Variants in PARD3B observed in about 807,000 individuals in gnomAD.
The protein encoded by PARD3B is partitioning defective 3 homolog B.
PARD3B carries 103 observed loss-of-function variants against 130.2 expected under a neutral mutation model. The ratio of observed to expected loss-of-function variants is 0.79; its 90% CI spans 0.67 to 0.93. The LOEUF (loss-of-function observed/expected upper bound fraction) is 0.93. PARD3B is among the 40% of genes least tolerant of loss of function. The pLI is 0.00. For missense variants in PARD3B, 1,609 were observed against 1,499.2 expected, an observed-to-expected ratio of 1.07 and a Z score of -1.21; for synonymous variants, 583 against 553.2, an observed-to-expected ratio of 1.05 and a Z score of -0.76.
intron 1 of PARD3B, among the ~76,000 whole-genome samples, chr2:204,647,358 T>G (rs767875847): frequency 6.6e-6 from 1 of 151,950 alleles, no homozygotes; most frequent in African/African-American, 2.4e-5. Flanking sequence ...GATACAGTTT[T>G]GTTATACATG....
intron 2 of PARD3B, among the ~76,000 whole-genome samples, chr2:204,776,204 T>C (rs890763035): frequency 3.9e-5 from 6 of 152,212 alleles, no homozygotes; most frequent in Non-Finnish European, 7.3e-5. Flanking sequence ...GATAGGATTC[T>C]ATAGATAGCA....
intron 1 of PARD3B, among the ~76,000 whole-genome samples, chr2:204,554,892 A>G (rs543294734): frequency 7.1e-4 from 108 of 152,266 alleles, no homozygotes; most frequent in South Asian, 8.3e-4. Context: ...TGGCATCTGG[A>G]AAGTTAGATT....
At chr2:205,240,355 A>G (rs1046735215) in intron 15 of PARD3B, among the ~76,000 whole-genome samples, 4 of 152,196 alleles carry the variant, frequency 2.6e-5, no homozygotes, top group African/African-American at 7.2e-5. Flanking sequence ...AGAAGTATTT[A>G]TGGCCTCATT....
At chr2:205,472,983 G>A (rs1168842738) in intron 20 of PARD3B, among the ~76,000 whole-genome samples, 2 of 152,086 alleles carry the variant, frequency 1.3e-5, no homozygotes, top group Admixed American at 6.6e-5. Context: ...ATGAATGAAT[G>A]GAAAGAAAAG....
intron 1 of PARD3B, among the ~76,000 whole-genome samples, chr2:204,578,076 A>G (rs566433832): frequency 9.2e-5 from 14 of 152,276 alleles, no homozygotes; most frequent in African/African-American, 3.4e-4. Context: ...GGACAGCACT[A>G]CCCACAGCAA....
intron 16 of PARD3B, among the ~76,000 whole-genome samples, chr2:205,297,758 A>G (rs1295793505): frequency 2.0e-5 from 3 of 152,204 alleles, no homozygotes; most frequent in Non-Finnish European, 2.9e-5. Context: ...TGAAAACTCC[A>G]GAGTCCACAT....
At chr2:205,502,324 G>A (rs1027829563) in intron 21 of PARD3B, among the ~76,000 whole-genome samples, 1 of 152,138 alleles carries the variant, frequency 6.6e-6, no homozygotes, top group Non-Finnish European at 1.5e-5. Context: ...TAGAAAGGCA[G>A]GTCTTTAGCA....
intron 2 of PARD3B, among the ~76,000 whole-genome samples, chr2:204,773,085 T>C (rs2041458013): frequency 1.3e-5 from 2 of 152,050 alleles, no homozygotes; most frequent in African/African-American, 4.8e-5. Flanking sequence ...TTATGAATAA[T>C]ATATTTAACA....
intron 2 of PARD3B, among the ~76,000 whole-genome samples, chr2:204,691,971 T>C (rs559252784): frequency 6.6e-6 from 1 of 152,264 alleles, no homozygotes; most frequent in South Asian, 2.1e-4. Context: ...TATTATTTGG[T>C]AACATAAGGA....
chr2:204,868,715 A>G (rs2045518519), intron 2 of PARD3B, among the ~76,000 whole-genome samples: 2 of 152,212 alleles, frequency 1.3e-5, no homozygotes, highest in Admixed American at 1.3e-4. Context: ...TTAGATTTAG[A>G]TAGGTCACGA....
rs1407352474 is a variant in PARD3B at position 205,473,998 on chromosome 2, A to G, written c.3045-25898A>G. Among the ~76,000 whole-genome samples the G allele has an allele frequency of 1.3e-5, 2 of 151,606 alleles. No individual in the cohort carries two copies. Among genetic ancestry groups the G allele is most frequent in the African/African-American group, 2.4e-5 (1 of 41,344 alleles). On this transcript the variant is annotated intron_variant, in intron 20 of 22. Coordinates refer to ENST00000406610, the MANE Select transcript of PARD3B (RefSeq NM_001302769.2). The surrounding 1 kb of genome is among the most constrained non-coding windows in gnomAD (Gnocchi z 4.9). ...TATGGGTCATAAAGCACTGTCATATACATGTTCTTATTTCATCTTCACCAC... is the reference window on the plus strand; with the variant it reads ...TATGGGTCATAAAGCACTGTCATATGCATGTTCTTATTTCATCTTCACCAC...
At chr2:205,311,366 T>C (rs2042379945) in intron 18 of PARD3B, among the ~76,000 whole-genome samples, 2 of 152,166 alleles carry the variant, frequency 1.3e-5, no homozygotes, top group African/African-American at 2.4e-5. Context: ...TTTTAACAAG[T>C]TTGCAGTGAT....
intron 2 of PARD3B, among the ~76,000 whole-genome samples, chr2:204,822,387 T>C (rs547121149): frequency 1.3e-5 from 2 of 152,344 alleles, no homozygotes; most frequent in Admixed American, 1.3e-4. Context: ...CTGGTGAAGA[T>C]GCTATGAACA....
intron 2 of PARD3B, among the ~76,000 whole-genome samples, chr2:204,760,883 A>G (rs757509279): frequency 2.0e-5 from 3 of 152,164 alleles, no homozygotes; most frequent in Non-Finnish European, 1.5e-5. Context: ...TTCACTTTCT[A>G]TTTAGAAGTT....
chr2:204,913,316 G>C (rs1259715064), intron 2 of PARD3B, among the ~76,000 whole-genome samples: 1 of 152,118 alleles, frequency 6.6e-6, no homozygotes, highest in Non-Finnish European at 1.5e-5. Flanking sequence ...CTCTGGGTTT[G>C]AATCCTGGCC....
intron 3 of PARD3B, among the ~76,000 whole-genome samples, chr2:205,005,470 A>C (rs527477617): frequency 6.6e-6 from 1 of 152,254 alleles, no homozygotes; most frequent in East Asian, 1.9e-4. Context: ...GAAACAACCA[A>C]AAGAATTGTG....
chr2:205,371,166 C>T (rs2044800978), intron 18 of PARD3B, among the ~76,000 whole-genome samples: 1 of 152,068 alleles, frequency 6.6e-6, no homozygotes, highest in Non-Finnish European at 1.5e-5. Context: ...ACTCTATTAG[C>T]TAAGTTTTGT....
rs1043174867 is a variant in PARD3B, at chr2:205,265,029, T to C, written c.2185+19207T>C. Among the ~76,000 whole-genome samples the C allele has an allele frequency of 6.9e-6, 1 of 145,350 alleles. No homozygotes were observed. Among genetic ancestry groups the C allele is most frequent in the African/African-American group, 2.5e-5 (1 of 39,702 alleles). On this transcript the variant is annotated intron_variant, in intron 16 of 22. Transcript: ENST00000406610. The surrounding 1 kb of genome is among the most constrained non-coding windows in gnomAD (Gnocchi z 4.3). ...AGTTTTGACAAAAATTACTTTAACT[T>C]TTGCTTCCCTCGGAACAACCAGGGA...
At chr2:204,547,665 T>C (rs1242118040) in intron 1 of PARD3B, among the ~76,000 whole-genome samples, 2 of 152,222 alleles carry the variant, frequency 1.3e-5, no homozygotes, top group East Asian at 1.9e-4. Flanking sequence ...ATAGATCTCA[T>C]TGAGGGATTG....
Sources: allele counts gnomAD v4.1 joint callset (sites outside exome capture counted in the v4.1 genomes callset), GRCh38; gene constraint gnomAD v4.1.1; non-coding constraint Gnocchi (gnomAD v3.1); transcripts MANE v1.5; gene names NCBI Gene and HGNC (gene_info 2026-07-23, HGNC 2026-07-21).